The following UTRN variants were observed in gnomAD, a reference collection of about 807,000 sequenced individuals.
The protein encoded by UTRN is utrophin.
A neutral mutation model predicts 463.9 loss-of-function variants in UTRN; 283 were observed. The ratio of observed to expected loss-of-function variants is 0.61; its 90% confidence interval spans 0.55 to 0.67. The LOEUF is 0.67. Ranked by LOEUF, UTRN falls within the 30% of genes least tolerant of loss-of-function variation. The probability of loss-of-function intolerance (pLI) is 0.00; values close to 1 mark genes in which losing one functional copy is unlikely to be tolerated. For synonymous variants in UTRN, 1,442 were observed against 1,431.5 expected (o/e 1.01, Z -0.17); for missense variants, 3,922 against 4,084.3 (o/e 0.96, Z 1.08).
At chr6:144,313,183 G>A (rs1775049994) in intron 2 of UTRN, among the ~76,000 whole-genome samples, 3 of 152,048 alleles carry the variant, frequency 2.0e-5, no homozygotes. Flanking sequence ...TAAAAAATAA[G>A]CAATTTTTTA....
chr6:144,619,897 C>G (rs1775164209), intron 51 of UTRN, among the ~76,000 whole-genome samples: 1 of 152,200 alleles, frequency 6.6e-6, no homozygotes, highest in Admixed American at 6.5e-5. Flanking sequence ...TGATTCAACA[C>G]TAGACCACCC....
chr6:144,635,626 G>A (rs977599600), intron 51 of UTRN, among the ~76,000 whole-genome samples: 1 of 130,802 alleles, frequency 7.6e-6, no homozygotes, highest in Non-Finnish European at 1.5e-5. Flanking sequence ...TGCAACTTCT[G>A]CCTCTCGGGT....
chr6:144,629,838 T>G (rs1776326601), intron 51 of UTRN, among the ~76,000 whole-genome samples: 1 of 152,234 alleles, frequency 6.6e-6, no homozygotes, highest in Non-Finnish European at 1.5e-5. Context: ...CCTGCTAATG[T>G]AGAATGGAGA....
At chr6:144,305,931 T>C (rs576198299) in intron 2 of UTRN, among the ~76,000 whole-genome samples, 1 of 152,372 alleles carries the variant, frequency 6.6e-6, no homozygotes, top group East Asian at 1.9e-4. Flanking sequence ...ATGGACCTTG[T>C]ACCATTTTCT....
chr6:144,587,568 A>G (rs1038883717), intron 51 of UTRN, among the ~76,000 whole-genome samples: 3 of 152,166 alleles, frequency 2.0e-5, no homozygotes, highest in Non-Finnish European at 4.4e-5. Flanking sequence ...ATTTAGAGGT[A>G]GTTAAGGTTG....
Position 144,716,220 on chromosome 6 carries a change from T to TTTAA in UTRN, c.7810-14137_7810-14136insTTAA. ...ATTGGCATACCTTTAATTGTTGAGA[T>TTTAA]AGCTTTTAAAATATAGCTTTTTTTT... On this transcript the variant is annotated intron_variant, in intron 53 of 74. Coordinates refer to ENST00000367545, the MANE Select transcript of UTRN (RefSeq NM_007124.3). Among the ~76,000 whole-genome samples, 3 of 152,004 alleles carry TTTAA rather than the reference T, an allele frequency of 2.0e-5. No individual in the cohort carries two copies. The South Asian group carries it at 6.2e-4, about 31-fold the overall frequency.
chr6:144,820,015 A>C (rs545612554), intron 65 of UTRN, among the ~76,000 whole-genome samples: 15 of 151,946 alleles, frequency 9.9e-5, no homozygotes, highest in African/African-American at 3.4e-4. Flanking sequence ...CATGGGCTTC[A>C]TTAAGTTCTG....
At chr6:144,429,875 A>C in intron 9 of UTRN, 134 bp downstream of exon 9, 1 of 887,148 alleles carries the variant, frequency 1.1e-6, no homozygotes. Context: ...TTGCATAAGA[A>C]GTTCAGCTTA....
chr6:144,406,465 G>A (rs1004478817), intron 3 of UTRN, among the ~76,000 whole-genome samples: 2 of 148,236 alleles, frequency 1.3e-5, no homozygotes, highest in African/African-American at 5.0e-5. Context: ...CTCCCAGGTT[G>A]CAGCGATTCT....
intron 3 of UTRN, among the ~76,000 whole-genome samples, chr6:144,421,560 G>A (rs1041233734): frequency 1.3e-5 from 2 of 151,758 alleles, no homozygotes; most frequent in Non-Finnish European, 2.9e-5. Context: ...GTGGTGGCGG[G>A]CGCCTGTAGT....
intron 2 of UTRN, among the ~76,000 whole-genome samples, chr6:144,365,934 C>T (rs529451383): frequency 2.9e-4 from 44 of 152,234 alleles, no homozygotes; most frequent in African/African-American, 9.9e-4. Context: ...GACTGGGTTT[C>T]GCCATGTTGG....
chr6:144,606,693 A>G (rs936886263), intron 51 of UTRN, among the ~76,000 whole-genome samples: 1 of 152,230 alleles, frequency 6.6e-6, no homozygotes, highest in African/African-American at 2.4e-5. Context: ...GATCTTACAT[A>G]ATTTAGATAC....
intron 61 of UTRN, among the ~76,000 whole-genome samples, chr6:144,784,424 C>T (rs1387208081): frequency 2.0e-5 from 3 of 152,192 alleles, no homozygotes; most frequent in Non-Finnish European, 2.9e-5. Context: ...TGTGTCTTCA[C>T]ATGGTTTTTC....
intron 3 of UTRN, among the ~76,000 whole-genome samples, chr6:144,418,861 A>G (rs974656163): frequency 6.6e-5 from 10 of 151,952 alleles, no homozygotes; most frequent in African/African-American, 1.9e-4. Flanking sequence ...CAGTTGTTTT[A>G]TATTATACTA....
intron 52 of UTRN, among the ~76,000 whole-genome samples, chr6:144,695,389 G>A (rs1435031165): frequency 6.6e-6 from 1 of 151,746 alleles, no homozygotes; most frequent in Non-Finnish European, 1.5e-5. Context: ...TGTTGCCAGG[G>A]CTGGAGTGCA....
chr6:144,774,354 A>G lies in UTRN; in HGVS notation c.8622A>G (p.Lys2874=), dbSNP rs1473870051. ...CAATCAAAATCCGAAGACTACAAAA[A>G]GCACTATGTTGTGAGTTATTCTACC... ...RTAIKIRRLQ[K]ALCLDLLELS... is the part of the protein sequence containing the mutation. Residue 2874 remains lysine (K), a synonymous_variant, in exon 60 of 75, where the codon AAA becomes AAG. Transcript: ENST00000367545. The G allele has an allele frequency of 6.3e-7, 1 of 1,598,872 alleles. No individual in the cohort carries two copies. Among genetic ancestry groups the G allele is most frequent in the East Asian group, 2.2e-5 (1 of 44,486 alleles).
chr6:144,556,099 C>G (rs1309063239), intron 49 of UTRN, among the ~76,000 whole-genome samples: 1 of 152,008 alleles, frequency 6.6e-6, no homozygotes, highest in East Asian at 1.9e-4. Flanking sequence ...ATAAAATATT[C>G]TTGAATTGGA....
chr6:144,312,282 G>A (rs550094706), intron 2 of UTRN, among the ~76,000 whole-genome samples: 14 of 152,044 alleles, frequency 9.2e-5, no homozygotes, highest in East Asian at 3.9e-4. Flanking sequence ...AAAATTAGCC[G>A]GCCTGATGGC....
At chr6:144,512,003 T>C (rs1257501574) in intron 35 of UTRN, among the ~76,000 whole-genome samples, 1 of 152,184 alleles carries the variant, frequency 6.6e-6, no homozygotes, top group Non-Finnish European at 1.5e-5. Context: ...TTATTTAAAT[T>C]CCTCAGGATG....
Sources: gnomAD v4.1 joint callset for allele counts (sites outside exome capture counted in the v4.1 genomes callset) on GRCh38, gnomAD v4.1.1 for gene constraint, MANE v1.5 for transcripts, NCBI Gene and HGNC (gene_info 2026-07-23, HGNC 2026-07-21) for gene names.